FILIP1L: variants seen among roughly 807,000 people sequenced by gnomAD.
FILIP1L encodes the protein filamin A interacting protein 1 like.
A neutral mutation model predicts 96.6 loss-of-function variants in FILIP1L; 55 were observed. The ratio of observed to expected loss-of-function variants is 0.57; its 90% confidence interval spans 0.46 to 0.71. The LOEUF is 0.71. Ranked by LOEUF, FILIP1L falls within the 30% of genes least tolerant of loss-of-function variation. The pLI, the probability that FILIP1L is intolerant of heterozygous loss-of-function variation, is 0.00. For synonymous variants in FILIP1L, 467 were observed against 473.9 expected (o/e 0.99, Z 0.19); for missense variants, 1,304 against 1,321.2 (o/e 0.99, Z 0.20).
rs577581377 is a variant in FILIP1L, at chr3:99,919,968, C to G, written c.605+4262G>C. Among the ~76,000 whole-genome samples, 4 of 152,336 alleles carry G rather than the reference C, an allele frequency of 2.6e-5. No homozygotes were observed. In the South Asian group the frequency reaches 8.3e-4, roughly 32 times the overall value. ...ACAGAAAAGGAACAAGAGATTAATT[C>G]TACCTTGACTCCTTTCTTTGTGGTG... On this transcript the variant is annotated intron_variant, in intron 4 of 5. Transcript: ENST00000477258.
At chr3:99,943,579 C>T (rs1441110964) in intron 1 of FILIP1L, among the ~76,000 whole-genome samples, 1 of 152,092 alleles carries the variant, frequency 6.6e-6, no homozygotes, top group Non-Finnish European at 1.5e-5. Flanking sequence ...TGGCATGCGC[C>T]TGTAGTCCCA....
rs79568630 is a variant in FILIP1L, at chr3:99,860,880, G to A, written c.606-9810C>T. 5.5e-4 allele frequency among the ~76,000 whole-genome samples: 84 copies of A among 152,216 alleles called. 2 individuals carry two copies. In the East Asian group the frequency reaches 0.015, roughly 28 times the overall value. On this transcript the variant is annotated intron_variant, in intron 4 of 5. Coordinates refer to ENST00000477258, the MANE Select transcript of FILIP1L (RefSeq NM_001387850.1). ...GGACAATGGATGTTCATTTAATACC[G>A]TGAATATTGTGCCTCTCCTATCACT...
intron 1 of FILIP1L, among the ~76,000 whole-genome samples, chr3:99,976,322 T>C (rs985329423): frequency 1.3e-5 from 2 of 152,190 alleles, no homozygotes; most frequent in Non-Finnish European, 2.9e-5. Flanking sequence ...AATAATTATA[T>C]AGAATTCATA....
At chr3:100,060,905 A>G (rs2065553251) in intron 1 of FILIP1L, among the ~76,000 whole-genome samples, 1 of 152,174 alleles carries the variant, frequency 6.6e-6, no homozygotes, top group Non-Finnish European at 1.5e-5. Flanking sequence ...TCTTTGAGCC[A>G]TACAGATCTA....
At chr3:99,833,237 A>G (rs746588349) in intron 5 of FILIP1L, 14 of 1,612,372 alleles carry the variant, frequency 8.7e-6, no homozygotes, top group Non-Finnish European at 1.1e-5. Flanking sequence ...TGTTGAGTTC[A>G]ATGAGGCAGA....
At chr3:99,959,443 C>T (rs1052870096) in intron 1 of FILIP1L, among the ~76,000 whole-genome samples, 2 of 152,158 alleles carry the variant, frequency 1.3e-5, no homozygotes, top group Non-Finnish European at 2.9e-5. Flanking sequence ...AGCCACCGGG[C>T]CTGGCCATTT....
intron 1 of FILIP1L, among the ~76,000 whole-genome samples, chr3:99,993,601 T>C (rs1017056732): frequency 1.3e-5 from 2 of 152,168 alleles, no homozygotes; most frequent in African/African-American, 2.4e-5. Flanking sequence ...AAGTATGATA[T>C]TGGGTGTGGG....
chr3:99,857,043 G>A (rs1249794622), intron 4 of FILIP1L, among the ~76,000 whole-genome samples: 4 of 152,106 alleles, frequency 2.6e-5, no homozygotes, highest in South Asian at 4.1e-4. Flanking sequence ...TCATTTCTGT[G>A]TCCTACAGTG....
chr3:100,083,939 TA>T (rs946656108), intron 1 of FILIP1L, among the ~76,000 whole-genome samples: 1 of 152,200 alleles, frequency 6.6e-6, no homozygotes, highest in African/African-American at 2.4e-5. Context: ...TGAGCATAAT[TA>T]TCAAAATAAA....
chr3:99,876,134 GA>G, intron 4 of FILIP1L: 1 of 986,306 alleles, frequency 1.0e-6, no homozygotes, highest in Non-Finnish European at 1.2e-6. Flanking sequence ...GCCGCGCTGC[GA>G]GCCGACTGTG....
chr3:99,846,453 A>G (rs1435976148), intron 5 of FILIP1L, among the ~76,000 whole-genome samples: 1 of 152,226 alleles, frequency 6.6e-6, no homozygotes, highest in African/African-American at 2.4e-5. Context: ...AAGAGCTAAA[A>G]TTAAGTTTGC....
chr3:99,983,424 GTATGTATGTATATA>G lies in FILIP1L; in HGVS notation c.-10-52408_-10-52395del, dbSNP rs1709203447. 1.1e-4 allele frequency among the ~76,000 whole-genome samples: 6 copies of G among 54,406 alleles called. 1 individual carries two copies. The highest frequency in any genetic ancestry group is 3.7e-4 in the East Asian group (1 of 2,716). The allele number at this position is 54,406 out of a possible 152,430, so 35.7% of individuals were successfully genotyped here. A position where few individuals can be genotyped will look rare whatever the true frequency, so the allele number is the denominator to read the frequency against. On this transcript the variant is annotated intron_variant, in intron 1 of 5. Transcript: ENST00000477258. ...TATATATATATATATATATATGTAT[GTATGTATGTATATA>G]TATGTATGTATATATATATATGTGT... is the stretch of plus-strand genomic sequence containing the variant.
chr3:100,042,007 C>T (rs1190468934), intron 1 of FILIP1L, among the ~76,000 whole-genome samples: 1 of 152,118 alleles, frequency 6.6e-6, no homozygotes, highest in Non-Finnish European at 1.5e-5. Context: ...ATCTGAGTCC[C>T]TTTTTATTTC....
At chr3:99,890,614 C>T (rs1706053978) in intron 4 of FILIP1L, among the ~76,000 whole-genome samples, 1 of 152,084 alleles carries the variant, frequency 6.6e-6, no homozygotes, top group Non-Finnish European at 1.5e-5. Flanking sequence ...TACTAATTCT[C>T]ATTCCTTGAT....
At position 99,932,710 on chromosome 3, in the gene FILIP1L, C is replaced by T. The variant is rs528037028; in HGVS notation, c.-10-1680G>A. ...TTCAAGACCAGCCTGGCCAACATGGCGAAACCCCATCTCTGCTAAAAATAC... is the reference window on the plus strand; with the variant it reads ...TTCAAGACCAGCCTGGCCAACATGGTGAAACCCCATCTCTGCTAAAAATAC... On this transcript the variant is annotated intron_variant, in intron 1 of 5. Transcript: ENST00000477258. Among the ~76,000 whole-genome samples the T allele has an allele frequency of 5.9e-5, 9 of 152,112 alleles. No individual in the cohort carries two copies. The South Asian group carries it at 6.2e-4, about 11-fold the overall frequency.
chr3:99,914,564 G>C (rs1706893009), intron 4 of FILIP1L, among the ~76,000 whole-genome samples: 1 of 152,146 alleles, frequency 6.6e-6, no homozygotes, highest in Non-Finnish European at 1.5e-5. Context: ...TCAGATTCAA[G>C]ACTAGTCTCA....
chr3:100,083,525 C>A (rs746655978), intron 1 of FILIP1L, among the ~76,000 whole-genome samples: 1 of 152,234 alleles, frequency 6.6e-6, no homozygotes, highest in Non-Finnish European at 1.5e-5. Flanking sequence ...AGACCATAAT[C>A]ATTGTGACAT....
intron 1 of FILIP1L, chr3:100,075,464 C>T (rs949228902): frequency 7.2e-5 from 11 of 152,134 alleles, no homozygotes; most frequent in Admixed American, 5.2e-4. Flanking sequence ...TTAAACATCT[C>T]TTGCATTTTT....
At chr3:99,832,704 C>T (rs1466817867) in intron 5 of FILIP1L, among the ~76,000 whole-genome samples, 1 of 123,584 alleles carries the variant, frequency 8.1e-6, no homozygotes, top group East Asian at 2.5e-4. Context: ...AGCCGGGCGT[C>T]GTGGCGCACT....
Sources: allele counts gnomAD v4.1 joint callset (sites outside exome capture counted in the v4.1 genomes callset), GRCh38; gene constraint gnomAD v4.1.1; transcripts MANE v1.5; gene names NCBI Gene and HGNC (gene_info 2026-07-23, HGNC 2026-07-21).